Variants in NOPCHAP1 observed in about 807,000 individuals in gnomAD.
The protein encoded by NOPCHAP1 is NOP protein chaperone 1, also known as DNA damage-sensitive RNA 1.
Under a neutral mutation model 14.0 loss-of-function variants are expected in NOPCHAP1, and 13 were observed. The observed-to-expected ratio is 0.93, with a 90% CI of 0.60 to 1.47. The LOEUF (loss-of-function observed/expected upper bound fraction) is 1.47. Among genes scored for constraint, NOPCHAP1 ranks in the 40% most tolerant of loss-of-function variants. NOPCHAP1 has a pLI of 0.00. For synonymous variants in NOPCHAP1, 78 were observed against 78.4 expected, an observed-to-expected ratio of 1.00 and a Z score of 0.03; for missense variants, 230 against 226.9, an observed-to-expected ratio of 1.01 and a Z score of -0.09.
chr12:104,996,736 C>A lies in NOPCHAP1; in HGVS notation c.*2040C>A. ...AAGTCTCCCACTATTATCTAGCTCTCTTTGTAGGTCTCTGAATGCTTGCTT... is the reference window on the plus strand; with the variant it reads ...AAGTCTCCCACTATTATCTAGCTCTATTTGTAGGTCTCTGAATGCTTGCTT... On this transcript the variant is annotated 3_prime_UTR_variant, in exon 4 of 4. Transcript: ENST00000552951. 1 of 152,328 alleles carries A rather than the reference C, an allele frequency of 6.6e-6. No homozygotes were observed. The highest frequency in any genetic ancestry group is 6.5e-5 in the Admixed American group (1 of 15,296). The allele number at this position is 152,328 out of a possible 1,614,324, so 9.4% of individuals were successfully genotyped here.
In NOPCHAP1 at chr12:104,999,635, T is replaced by TAGGAA; in HGVS notation, c.*4939_*4940insAGGAA. 6.6e-6 allele frequency: 1 copy of TAGGAA among 152,012 alleles called. No homozygotes were observed. Among genetic ancestry groups the TAGGAA allele is most frequent in the Non-Finnish European group, 1.5e-5 (1 of 68,126 alleles). The allele number at this position is 152,012 out of a possible 1,614,324, so 9.4% of individuals were successfully genotyped here. On this transcript the variant is annotated 3_prime_UTR_variant, in exon 4 of 4. Transcript: ENST00000552951. ...CCTGGCCATGATCCACTACAGATGCTCCCGCACCAAAGCCTCTGGGCTCTG... is the reference window on the plus strand; with the variant it reads ...CCTGGCCATGATCCACTACAGATGCTAGGAACCCGCACCAAAGCCTCTGGGCTCTG...
chr12:104,987,394 G>A (rs565074815), intron 1 of NOPCHAP1, among the ~76,000 whole-genome samples: 1 of 152,306 alleles, frequency 6.6e-6, no homozygotes, highest in African/African-American at 2.4e-5. Context: ...TAGCAAAACT[G>A]GGACTTGAAT....
rs1873959648 is a variant in NOPCHAP1 at position 105,016,988 on chromosome 12, T to C, written c.*22292T>C. ...CACTCCTAAAATGAGTGAAATGTTC[T>C]CTTCAAACTTGTGGCGTACCGTCTT... On this transcript the variant is annotated 3_prime_UTR_variant, in exon 4 of 4. Coordinates refer to ENST00000552951, the MANE Select transcript of NOPCHAP1 (RefSeq NM_152318.3). 6.6e-6 allele frequency: 1 copy of C among 152,222 alleles called. No homozygotes were observed. The highest frequency in any genetic ancestry group is 2.1e-4 in the South Asian group (1 of 4,834). 9.4% of individuals were successfully genotyped at this position (152,222 alleles called of 1,614,324 possible).
chr12:105,001,492 A>G lies in NOPCHAP1; in HGVS notation c.*6796A>G, dbSNP rs1262256644. 6.6e-6 allele frequency: 1 copy of G among 152,160 alleles called. No individual in the cohort carries two copies. The highest frequency in any genetic ancestry group is 1.5e-5 in the Non-Finnish European group (1 of 68,032). The allele number at this position is 152,160 out of a possible 1,614,324, so 9.4% of individuals were successfully genotyped here. A position where few individuals can be genotyped will look rare whatever the true frequency, so the allele number is the denominator to read the frequency against. On this transcript the variant is annotated 3_prime_UTR_variant, in exon 4 of 4. Transcript: ENST00000552951. ...TAGTCATCCCACCAATATTTTTTCA[A>G]TTTCTGCCTTTAGAGAGCATAACAG...
chr12:105,011,841 G>T lies in NOPCHAP1; in HGVS notation c.*17145G>T, dbSNP rs1158723229. ...CCCCCACTCTCTTCTGGCTTGTAGGGTTTCTTCAGAGAGATCCACTGTTAG... is the reference window on the plus strand; with the variant it reads ...CCCCCACTCTCTTCTGGCTTGTAGGTTTTCTTCAGAGAGATCCACTGTTAG... On this transcript the variant is annotated 3_prime_UTR_variant, in exon 4 of 4. Coordinates refer to ENST00000552951, the MANE Select transcript of NOPCHAP1 (RefSeq NM_152318.3). 1 of 152,212 alleles carries T rather than the reference G, an allele frequency of 6.6e-6. No homozygotes were observed. The highest frequency in any genetic ancestry group is 1.5e-5 in the Non-Finnish European group (1 of 68,042). 9.4% of individuals were successfully genotyped at this position (152,212 alleles called of 1,614,324 possible).
At position 105,015,986 on chromosome 12, in the gene NOPCHAP1, G is replaced by A; in HGVS notation, c.*21290G>A. The A allele has an allele frequency of 7.4e-6, 1 of 135,668 alleles. No individual in the cohort carries two copies. The highest frequency in any genetic ancestry group is 2.3e-4 in the South Asian group (1 of 4,338). The allele number at this position is 135,668 out of a possible 1,614,324, so 8.4% of individuals were successfully genotyped here. ...ATATTTAGTAAAATAGTCAAGAAAG[G>A]TTTTTTTTTTTTTTTTTAAAAAGCA... On this transcript the variant is annotated 3_prime_UTR_variant, in exon 4 of 4. Transcript: ENST00000552951.
Position 105,004,398 on chromosome 12 carries a change from T to C in NOPCHAP1, c.*9702T>C, listed in dbSNP as rs2136030864. 6.6e-6 allele frequency: 1 copy of C among 152,234 alleles called. No homozygotes were observed. Among genetic ancestry groups the C allele is most frequent in the East Asian group, 1.9e-4 (1 of 5,178 alleles). 9.4% of individuals were successfully genotyped at this position (152,234 alleles called of 1,614,324 possible). On this transcript the variant is annotated 3_prime_UTR_variant, in exon 4 of 4. Transcript: ENST00000552951. The stretch of plus-strand genomic sequence containing the variant: ...TGCCTGGCCAACGTGAATCCCCGTC[T>C]CTACTAAAAATATAAAAATTAGCTG...
rs1873934456 is a variant in NOPCHAP1 at position 105,015,903 on chromosome 12, T to G, written c.*21207T>G. 6.6e-6 allele frequency: 1 copy of G among 151,994 alleles called. No individual in the cohort carries two copies. Among genetic ancestry groups the G allele is most frequent in the African/African-American group, 2.4e-5 (1 of 41,364 alleles). 9.4% of individuals were successfully genotyped at this position (151,994 alleles called of 1,614,324 possible). ...TATGCAAAGATAAATTATATATGGA[T>G]TAAGGATTTAAATGTAAAAAAAGAA... On this transcript the variant is annotated 3_prime_UTR_variant, in exon 4 of 4. Transcript: ENST00000552951.
chr12:104,995,092 G>T lies in NOPCHAP1; in HGVS notation c.*396G>T. On this transcript the variant is annotated 3_prime_UTR_variant, in exon 4 of 4. Transcript: ENST00000552951. ...AAGGCTGCCTTGTCCGATGGGCTGA[G>T]GCTTGGCTGTTTGTGATTGGCCAGA... is the stretch of plus-strand genomic sequence containing the variant. 4.7e-6 allele frequency: 1 copy of T among 212,188 alleles called. No homozygotes were observed. Among genetic ancestry groups the T allele is most frequent in the Non-Finnish European group, 9.1e-6 (1 of 109,340 alleles). 13.1% of individuals were successfully genotyped at this position (212,188 alleles called of 1,614,324 possible). A position where few individuals can be genotyped will look rare whatever the true frequency, so the allele number is the denominator to read the frequency against.
Position 105,010,326 on chromosome 12 carries a change from C to G in NOPCHAP1, c.*15630C>G, listed in dbSNP as rs1266863317. 6.6e-6 allele frequency: 1 copy of G among 152,116 alleles called. No individual in the cohort carries two copies. The highest frequency in any genetic ancestry group is 1.5e-5 in the Non-Finnish European group (1 of 68,010). The allele number at this position is 152,116 out of a possible 1,614,324, so 9.4% of individuals were successfully genotyped here. A position where few individuals can be genotyped will look rare whatever the true frequency, so the allele number is the denominator to read the frequency against. On this transcript the variant is annotated 3_prime_UTR_variant, in exon 4 of 4. Transcript: ENST00000552951. Reference sequence around the variant, plus strand: ...TCTGTGGGATCAGTGATGATATCCCCTTTATCATTTTTTATTGTGTCTGTT... The same window carrying G: ...TCTGTGGGATCAGTGATGATATCCCGTTTATCATTTTTTATTGTGTCTGTT...
At position 105,009,675 on chromosome 12, in the gene NOPCHAP1, G is replaced by C. The variant is rs552458723; in HGVS notation, c.*14979G>C. 21 of 152,264 alleles carry C rather than the reference G, an allele frequency of 1.4e-4. No homozygotes were observed. Among genetic ancestry groups the C allele is most frequent in the Non-Finnish European group, 2.5e-4 (17 of 68,024 alleles). The allele number at this position is 152,264 out of a possible 1,614,324, so 9.4% of individuals were successfully genotyped here. A position where few individuals can be genotyped will look rare whatever the true frequency, so the allele number is the denominator to read the frequency against. On this transcript the variant is annotated 3_prime_UTR_variant, in exon 4 of 4. Transcript: ENST00000552951. ...TTTATTGAGAGTTTTTAGCATGAAG[G>C]GGTGTTGAATTTTATCAAAGGCCTT...
rs775229006 is a variant in NOPCHAP1 at position 104,994,485 on chromosome 12, CTTTG to C, written c.352_355del (p.Phe118ArgfsTer2). On this transcript the variant is annotated frameshift_variant, in exon 4 of 4. Coordinates refer to ENST00000552951, the MANE Select transcript of NOPCHAP1 (RefSeq NM_152318.3). LOFTEE classifies it low-confidence loss of function (END_TRUNC). ...GTCCACTACTTTTTGCAGGATGTGGCTTTGTTTGAGATGAATCAGTCGGATTCAA... is the reference window on the plus strand; with the variant it reads ...GTCCACTACTTTTTGCAGGATGTGGCTTTGAGATGAATCAGTCGGATTCAA... 4.3e-6 allele frequency: 7 copies of C among 1,613,834 alleles called. No homozygotes were observed. The highest frequency in any genetic ancestry group is 1.7e-5 in the Admixed American group (1 of 59,990).
Position 104,991,703 on chromosome 12 carries a change from T to C in NOPCHAP1, c.203-9T>C. 6.3e-7 allele frequency: 1 copy of C among 1,589,780 alleles called. No homozygotes were observed. Among genetic ancestry groups the C allele is most frequent in the South Asian group, 1.2e-5 (1 of 86,032 alleles). ...ATAAATGTTGATATGCTGTATTTACTTTCCACAGTATTGGACCAGGTACAG... is the reference window on the plus strand; with the variant it reads ...ATAAATGTTGATATGCTGTATTTACCTTCCACAGTATTGGACCAGGTACAG... On this transcript the variant is annotated splice_polypyrimidine_tract_variant and intron_variant, in intron 2 of 3. Transcript: ENST00000552951.
chr12:105,002,479 G>C lies in NOPCHAP1; in HGVS notation c.*7783G>C, dbSNP rs1027235316. On this transcript the variant is annotated 3_prime_UTR_variant, in exon 4 of 4. Coordinates refer to ENST00000552951, the MANE Select transcript of NOPCHAP1 (RefSeq NM_152318.3). ...GGAATGTTTTACAAATAGTCTTTCT[G>C]AATGGACCCTGTAATCTGAAACTGG... is the stretch of plus-strand genomic sequence containing the variant. 6.6e-6 allele frequency: 1 copy of C among 152,186 alleles called. No homozygotes were observed. The highest frequency in any genetic ancestry group is 2.4e-5 in the African/African-American group (1 of 41,454). The allele number at this position is 152,186 out of a possible 1,614,324, so 9.4% of individuals were successfully genotyped here.
chr12:104,988,856 AACTGTAGCATCATT>A (rs1255888438), intron 2 of NOPCHAP1, among the ~76,000 whole-genome samples: 37 of 152,216 alleles, frequency 2.4e-4, no homozygotes, highest in Non-Finnish European at 4.4e-4. Flanking sequence ...AGGAGAATTT[AACTGTAGCATCATT>A]ACTGTAGCAC....
rs78938272 is a variant in NOPCHAP1 at position 104,986,358 on chromosome 12, G to C, written c.6G>C (p.Glu2Asp). ...AGTGCAGGCTTGAGGGAAGCATGGA[G>C]GTCCATGGCAAGCCCAAGGCTAGCC... The part of the protein sequence containing the change: M[E>D]VHGKPKASPS... Residue 2 changes from glutamate (E) to aspartate (D), a missense_variant, in exon 1 of 4, where the codon GAG (glutamate) becomes GAC (aspartate). Coordinates refer to ENST00000552951, the MANE Select transcript of NOPCHAP1 (RefSeq NM_152318.3). 1.2e-6 allele frequency: 2 copies of C among 1,608,404 alleles called. No homozygotes were observed. The highest frequency in any genetic ancestry group is 8.5e-7 in the Non-Finnish European group (1 of 1,177,518).
At position 104,986,514 on chromosome 12, in the gene NOPCHAP1, G is replaced by A. The variant is rs541567839; in HGVS notation, c.115+47G>A. On this transcript the variant is annotated intron_variant, in intron 1 of 3. Transcript: ENST00000552951. ...CATGGGCCGCACACGTGCGGCAGAG[G>A]AGGCGCGGCCGGTGCAGTTTGGGAG... is the stretch of plus-strand genomic sequence containing the variant. 2.7e-6 allele frequency: 4 copies of A among 1,493,212 alleles called. No individual in the cohort carries two copies. In the African/African-American group the frequency reaches 5.6e-5, roughly 21 times the overall value. 92.5% of individuals were successfully genotyped at this position (1,493,212 alleles called of 1,614,324 possible). A position where few individuals can be genotyped will look rare whatever the true frequency, so the allele number is the denominator to read the frequency against.
rs890371226 is a variant in NOPCHAP1, at chr12:104,995,176, G to T, written c.*480G>T. 1 of 173,120 alleles carries T rather than the reference G, an allele frequency of 5.8e-6. No homozygotes were observed. The highest frequency in any genetic ancestry group is 2.4e-5 in the African/African-American group (1 of 41,512). 10.7% of individuals were successfully genotyped at this position (173,120 alleles called of 1,614,324 possible). ...TTAGGTTTTGGTGTGTAGAGTACAG[G>T]AATAACTTGATGGGTTACAGCTAGG... On this transcript the variant is annotated 3_prime_UTR_variant, in exon 4 of 4. Transcript: ENST00000552951.
At chr12:104,991,910 G>T (rs975149206) in intron 3 of NOPCHAP1, 62 bp downstream of exon 3, 5 of 1,513,338 alleles carry the variant, frequency 3.3e-6, no homozygotes, top group Non-Finnish European at 4.4e-6. Flanking sequence ...AAGAAGAAGA[G>T]AACTTTTCCA....
Sources: gnomAD v4.1 joint callset for allele counts (sites outside exome capture counted in the v4.1 genomes callset) on GRCh38, gnomAD v4.1.1 for gene constraint, MANE v1.5 for transcripts, NCBI Gene and HGNC (gene_info 2026-07-23, HGNC 2026-07-21) for gene names.